Variants in DMD observed in about 807,000 individuals in gnomAD.
DMD encodes dystrophin, also known as mutant dystrophin.
A neutral mutation model predicts 330.1 loss-of-function variants in DMD; 63 were observed. That is an observed-to-expected ratio of 0.19 (90% CI 0.16 to 0.24). The LOEUF (loss-of-function observed/expected upper bound fraction) is 0.24, where lower values mean the gene tolerates loss of function less well. DMD is among the 10% of genes least tolerant of loss of function. The pLI is 1.00. For missense variants in DMD, 3,344 were observed against 2,684.1 expected (o/e 1.25, Z -5.43); for synonymous variants, 1,223 against 959.8 (o/e 1.27, Z -5.07).
intron 2 of DMD, among the ~76,000 whole-genome samples, chrX:32,996,852 A>T (rs1397258779): frequency 9.0e-6 from 1 of 111,366 alleles, no homozygotes; most frequent in Non-Finnish European, 1.9e-5. Flanking sequence ...TTATTGCTGG[A>T]TTTCTCAAGT....
intron 45 of DMD, among the ~76,000 whole-genome samples, chrX:31,965,258 G>A (rs1007806588): frequency 9.0e-6 from 1 of 111,314 alleles, no homozygotes; most frequent in Non-Finnish European, 1.9e-5. Context: ...GAGATTCTGG[G>A]CAGATAAACA....
chrX:32,784,668 T>C (rs1322725293), intron 7 of DMD, among the ~76,000 whole-genome samples: 2 of 111,714 alleles, frequency 1.8e-5, no homozygotes, highest in Non-Finnish European at 3.8e-5. Flanking sequence ...CTAATAAAAT[T>C]AGGGAAGCAG....
At chrX:31,873,917 G>A (rs989638242) in intron 48 of DMD, among the ~76,000 whole-genome samples, 6 of 111,567 alleles carry the variant, frequency 5.4e-5, no homozygotes, top group African/African-American at 1.6e-4. Context: ...TCACAAGTAA[G>A]CATCATTTAC....
chrX:32,379,195 C>T (rs1276977123), intron 34 of DMD, among the ~76,000 whole-genome samples: 2 of 109,128 alleles, frequency 1.8e-5, no homozygotes, highest in Non-Finnish European at 3.8e-5. Flanking sequence ...AAAATAAATG[C>T]CAGTTTTCTA....
intron 78 of DMD, 91 bp from the exon 79 acceptor site, chrX:31,122,021 C>CCATTT (rs1427536590): frequency 2.0e-5 from 14 of 716,229 alleles, no homozygotes; most frequent in Admixed American, 4.5e-5. Flanking sequence ...AAATCATTCC[C>CCATTT]CATTTCTGGG....
At chrX:32,658,251 G>A (rs973773504) in intron 9 of DMD, among the ~76,000 whole-genome samples, 19 of 111,218 alleles carry the variant, frequency 1.7e-4, no homozygotes, top group Admixed American at 7.7e-4. Context: ...GTTAGCACAA[G>A]AGATGTCCCC....
At chrX:32,277,217 G>A (rs1481221329) in intron 43 of DMD, among the ~76,000 whole-genome samples, 1 of 111,670 alleles carries the variant, frequency 9.0e-6, no homozygotes, top group Non-Finnish European at 1.9e-5. Flanking sequence ...TGACAAAAGG[G>A]TCAATTCAGC....
chrX:32,722,514 G>T (rs888052310), intron 7 of DMD, among the ~76,000 whole-genome samples: 1 of 110,077 alleles, frequency 9.1e-6, no homozygotes, highest in Non-Finnish European at 1.9e-5. Context: ...ATGTCCCGTG[G>T]ATACCAAGGG....
intron 62 of DMD, among the ~76,000 whole-genome samples, chrX:31,262,909 A>G (rs1603257754): frequency 8.9e-6 from 1 of 112,702 alleles, no homozygotes; most frequent in East Asian, 2.8e-4. Context: ...AATTCCATAT[A>G]TAAGTGCAGA....
chrX:31,182,962 G>C, intron 67 of DMD, 58 bp from the exon 68 acceptor site: 1 of 993,701 alleles, frequency 1.0e-6, no homozygotes, highest in Non-Finnish European at 1.4e-6. Context: ...AAGAAGGCAA[G>C]ATGGCAAAGG....
intron 42 of DMD, among the ~76,000 whole-genome samples, chrX:32,303,686 T>C (rs189762223): frequency 3.6e-5 from 4 of 110,674 alleles, no homozygotes; most frequent in Middle Eastern, 4.6e-3. Context: ...GTAACTGTTG[T>C]GACAGCGGCC....
At chrX:32,291,464 C>G (rs1191895269) in intron 42 of DMD, among the ~76,000 whole-genome samples, 1 of 111,773 alleles carries the variant, frequency 8.9e-6, no homozygotes, top group Admixed American at 9.6e-5. Context: ...CACCTACAGT[C>G]TTAACAAAAG....
intron 62 of DMD, among the ~76,000 whole-genome samples, chrX:31,286,345 C>A (rs1207861551): frequency 1.8e-5 from 2 of 112,249 alleles, no homozygotes; most frequent in East Asian, 5.5e-4. Flanking sequence ...TTCTTACTCA[C>A]GAATCTTCAT....
chrX:32,345,967 T>C lies in DMD; in HGVS notation c.5562A>G (p.Leu1854=), dbSNP rs377151540. 1.9e-5 allele frequency: 23 copies of C among 1,207,480 alleles called. No individual in the cohort carries two copies. The highest frequency in any genetic ancestry group is 2.5e-5 in the Non-Finnish European group (22 of 893,971). The change falls in exon 39 of 79, where the codon TTA becomes TTG. Residue 1854 remains leucine (L), a synonymous_variant. Transcript: ENST00000357033. Reference sequence around the variant, plus strand: ...CCTTGAGAGCATTATGTTTTGTCTGTAACAGCTGCTGTTTTATCTTTATTT... The same window carrying C: ...CCTTGAGAGCATTATGTTTTGTCTGCAACAGCTGCTGTTTTATCTTTATTT... ...REEIKIKQQL[L]QTKHNALKDL... is the part of the protein sequence containing the mutation.
chrX:32,697,570 C>G (rs2063750285), intron 9 of DMD, among the ~76,000 whole-genome samples: 1 of 111,658 alleles, frequency 9.0e-6, no homozygotes, highest in Non-Finnish European at 1.9e-5. Flanking sequence ...TTTTCATGAG[C>G]CTCATGTTTT....
intron 44 of DMD, among the ~76,000 whole-genome samples, chrX:31,979,685 T>G (rs1269351052): frequency 8.9e-6 from 1 of 112,156 alleles, no homozygotes; most frequent in African/African-American, 3.2e-5. Flanking sequence ...GTTCTGCACT[T>G]CATATTAGTG....
At position 32,050,974 on chromosome X, in the gene DMD, C is replaced by CTTTTTTTTTTTTTTTTTTTTTTT. The variant is rs761835866; in HGVS notation, c.6439-82461_6439-82460insAAAAAAAAAAAAAAAAAAAAAAA. ...TTACATTGCCTCAGGCTAACTTCCTCTTTTTTTTTTTTTCCCCCTAATAGA... is the reference window on the plus strand; with the variant it reads ...TTACATTGCCTCAGGCTAACTTCCTCTTTTTTTTTTTTTTTTTTTTTTTTTTTTTTTTTTTTCCCCCTAATAGA... On this transcript the variant is annotated intron_variant, in intron 44 of 78. Coordinates refer to ENST00000357033, the MANE Select transcript of DMD (RefSeq NM_004006.3). Among the ~76,000 whole-genome samples, 402 of 78,037 alleles carry CTTTTTTTTTTTTTTTTTTTTTTT rather than the reference C, an allele frequency of 5.2e-3. 61 individuals are homozygous for CTTTTTTTTTTTTTTTTTTTTTTT. The highest frequency in any genetic ancestry group is 0.022 in the African/African-American group (386 of 17,451). 67.8% of individuals were successfully genotyped at this position (78,037 alleles called of 115,157 possible).
chrX:31,940,996 T>C (rs147194345), intron 45 of DMD, among the ~76,000 whole-genome samples: 2 of 111,765 alleles, frequency 1.8e-5, no homozygotes, highest in African/African-American at 6.5e-5. Flanking sequence ...AAATAAATTA[T>C]AGAGCAATAT....
chrX:32,765,816 C>G (rs992752237), intron 7 of DMD, among the ~76,000 whole-genome samples: 2 of 111,935 alleles, frequency 1.8e-5, no homozygotes, highest in Non-Finnish European at 1.9e-5. Context: ...CAAATGTCTA[C>G]GCTTTCTTCT....
Sources: allele counts gnomAD v4.1 joint callset (sites outside exome capture counted in the v4.1 genomes callset), GRCh38; gene constraint gnomAD v4.1.1; transcripts MANE v1.5; gene names NCBI Gene and HGNC (gene_info 2026-07-23, HGNC 2026-07-21).